The following SCG5 variants were observed in gnomAD, a reference collection of about 807,000 sequenced individuals.
SCG5 encodes neuroendocrine protein 7B2.
SCG5 carries 18 observed loss-of-function variants against 25.7 expected under a neutral mutation model. The ratio of observed to expected loss-of-function variants is 0.70; its 90% CI spans 0.48 to 1.04. The LOEUF is 1.04. SCG5 is among the 50% of genes least tolerant of loss of function. The probability of loss-of-function intolerance (pLI) is 0.00; values close to 1 mark genes in which losing one functional copy is unlikely to be tolerated. For missense variants in SCG5, 206 were observed against 259.8 expected (o/e 0.79, Z 1.42); for synonymous variants, 101 against 91.7 (o/e 1.10, Z -0.58).
chr15:32,644,669 A>T (rs1055232864), intron 2 of SCG5, among the ~76,000 whole-genome samples: 1 of 152,190 alleles, frequency 6.6e-6, no homozygotes, highest in East Asian at 1.9e-4. Context: ...CTCCTTCTCC[A>T]CTAAGGCAGA....
At chr15:32,667,819 C>T (rs1411033412) in intron 2 of SCG5, among the ~76,000 whole-genome samples, 1 of 151,998 alleles carries the variant, frequency 6.6e-6, no homozygotes, top group Non-Finnish European at 1.5e-5. Context: ...ACTACAGGCA[C>T]ACACCAGCAT....
chr15:32,673,324 C>T (rs2054471780), intron 2 of SCG5, among the ~76,000 whole-genome samples: 1 of 152,164 alleles, frequency 6.6e-6, no homozygotes, highest in African/African-American at 2.4e-5. Context: ...AGCAAGATCA[C>T]CTAGGCACTC....
At chr15:32,673,679 T>C (rs1438734829) in intron 2 of SCG5, among the ~76,000 whole-genome samples, 1 of 151,916 alleles carries the variant, frequency 6.6e-6, no homozygotes. Context: ...TTAGAAGGAG[T>C]GAGGTGACAA....
intron 5 of SCG5, among the ~76,000 whole-genome samples, chr15:32,692,908 G>T (rs372820176): frequency 6.6e-6 from 1 of 152,138 alleles, no homozygotes; most frequent in Non-Finnish European, 1.5e-5. Context: ...TTTTCTACGC[G>T]AGAAGTAGAA....
intron 4 of SCG5, among the ~76,000 whole-genome samples, chr15:32,690,729 A>G (rs2054835763): frequency 6.6e-6 from 1 of 152,124 alleles, no homozygotes; most frequent in African/African-American, 2.4e-5. Flanking sequence ...CACTAAAAAT[A>G]AGTCTTTATA....
At chr15:32,642,043 C>A (rs2053871708) in intron 1 of SCG5, among the ~76,000 whole-genome samples, 1 of 152,022 alleles carries the variant, frequency 6.6e-6, no homozygotes, top group Non-Finnish European at 1.5e-5. Context: ...AGATGGAGAG[C>A]CTCGTGTCTG....
At chr15:32,680,861 G>A (rs929304527) in intron 3 of SCG5, among the ~76,000 whole-genome samples, 1 of 152,176 alleles carries the variant, frequency 6.6e-6, no homozygotes, top group Non-Finnish European at 1.5e-5. Flanking sequence ...ATCCGGCTTT[G>A]AGCAGCTGAC....
chr15:32,658,444 G>C (rs2054161324), intron 2 of SCG5, among the ~76,000 whole-genome samples: 1 of 152,166 alleles, frequency 6.6e-6, no homozygotes, highest in South Asian at 2.1e-4. Context: ...TCAGCTTCAG[G>C]CAGTAAGAAG....
At chr15:32,690,800 G>A (rs994385417) in intron 4 of SCG5, among the ~76,000 whole-genome samples, 3 of 149,526 alleles carry the variant, frequency 2.0e-5, no homozygotes, top group Non-Finnish European at 4.4e-5. Context: ...CTCTGTGGTT[G>A]TCTTTGTTTT....
At position 32,641,762 on chromosome 15, in the gene SCG5, CCTCGGG is replaced by C. The variant is rs1355696047; in HGVS notation, c.-21_-16del. 1 of 152,284 alleles carries C rather than the reference CCTCGGG, an allele frequency of 6.6e-6. No individual in the cohort carries two copies. The highest frequency in any genetic ancestry group is 2.4e-5 in the African/African-American group (1 of 41,436). The allele number at this position is 152,284 out of a possible 1,614,324, so 9.4% of individuals were successfully genotyped here. On this transcript the variant is annotated 5_prime_UTR_variant, in exon 1 of 6. Coordinates refer to ENST00000300175, the MANE Select transcript of SCG5 (RefSeq NM_001144757.3). ...ACCAAGGCCCATACCGCAGTAGGCT[CCTCGGG>C]CTGCCCCTCGGTGAGTACAGTTTTG...
intron 3 of SCG5, among the ~76,000 whole-genome samples, chr15:32,681,552 G>A (rs957452888): frequency 2.7e-5 from 4 of 147,378 alleles, no homozygotes; most frequent in Admixed American, 6.9e-5. Context: ...CACAATTATA[G>A]TAATTCTGTG....
intron 4 of SCG5, among the ~76,000 whole-genome samples, chr15:32,690,928 C>CT (rs1289327909): frequency 1.1e-4 from 17 of 151,460 alleles, no homozygotes; most frequent in Non-Finnish European, 2.4e-4. Context: ...TAAAGCCCCC[C>CT]CCCACCGCCA....
intron 2 of SCG5, among the ~76,000 whole-genome samples, chr15:32,653,908 T>G (rs1250509968): frequency 1.3e-5 from 2 of 152,172 alleles, no homozygotes; most frequent in Non-Finnish European, 2.9e-5. Flanking sequence ...GGAATAAAAT[T>G]AACACAGCTG....
Position 32,679,854 on chromosome 15 carries a change from G to A in SCG5, c.315G>A (p.Lys105=). Residue 105 remains lysine (K), a synonymous_variant, in exon 3 of 6, where the codon AAG becomes AAA. Transcript: ENST00000300175. The part of the protein sequence containing the change: ...VAELTGDNIP[K]DFSEDQGYPD... Reference sequence around the variant, plus strand: ...AGTTGACTGGAGACAACATTCCTAAGGACTTTAGTGAGGATCAGGGGTACC... The same window carrying A: ...AGTTGACTGGAGACAACATTCCTAAAGACTTTAGTGAGGATCAGGGGTACC... 1 of 1,613,884 alleles carries A rather than the reference G, an allele frequency of 6.2e-7. No individual in the cohort carries two copies. The highest frequency in any genetic ancestry group is 8.5e-7 in the Non-Finnish European group (1 of 1,179,866).
chr15:32,668,192 T>C (rs1391847140), intron 2 of SCG5, among the ~76,000 whole-genome samples: 1 of 152,204 alleles, frequency 6.6e-6, no homozygotes, highest in Non-Finnish European at 1.5e-5. Context: ...AAAATAGTAG[T>C]AGCTGCTGGG....
intron 2 of SCG5, among the ~76,000 whole-genome samples, chr15:32,676,741 G>A (rs958641511): frequency 6.6e-6 from 1 of 152,204 alleles, no homozygotes; most frequent in African/African-American, 2.4e-5. Flanking sequence ...CAAATCAACA[G>A]AGTGAGAGTG....
chr15:32,663,051 ATATATATATATATATATATATATATAT>A (rs1567076330), intron 2 of SCG5, among the ~76,000 whole-genome samples: 4 of 75,288 alleles, frequency 5.3e-5, no homozygotes, highest in South Asian at 5.6e-4. Flanking sequence ...ATATATATAT[ATATATATATATATATATATATATATAT>A]AATATATAAT....
intron 2 of SCG5, among the ~76,000 whole-genome samples, chr15:32,667,531 C>T (rs528127306): frequency 3.9e-5 from 6 of 152,332 alleles, no homozygotes; most frequent in African/African-American, 1.2e-4. Flanking sequence ...CTTTAAGGCA[C>T]GAATTGCTCA....
chr15:32,646,496 T>G (rs1374655509), intron 2 of SCG5, among the ~76,000 whole-genome samples: 1 of 152,190 alleles, frequency 6.6e-6, no homozygotes, highest in Non-Finnish European at 1.5e-5. Context: ...AAGGAGAATA[T>G]CTCTTTAGTC....
Sources: gnomAD v4.1 joint callset for allele counts (sites outside exome capture counted in the v4.1 genomes callset) on GRCh38, gnomAD v4.1.1 for gene constraint, MANE v1.5 for transcripts, NCBI Gene and HGNC (gene_info 2026-07-23, HGNC 2026-07-21) for gene names.